SLC35A1: variants seen among roughly 807,000 people sequenced by gnomAD.
The protein encoded by SLC35A1 is CMP-sialic acid transporter.
A neutral mutation model predicts 40.3 loss-of-function variants in SLC35A1; 21 were observed. The ratio of observed to expected loss-of-function variants is 0.52; its 90% CI spans 0.37 to 0.75. The LOEUF (loss-of-function observed/expected upper bound fraction) is 0.75, where lower values mean the gene tolerates loss of function less well. Ranked by LOEUF, SLC35A1 falls within the 30% of genes least tolerant of loss-of-function variation. The pLI, the probability that SLC35A1 is intolerant of heterozygous loss-of-function variation, is 0.00. For missense variants in SLC35A1, 297 were observed against 382.1 expected (o/e 0.78, Z 1.86); for synonymous variants, 146 against 147.3 (o/e 0.99, Z 0.06).
intron 6 of SLC35A1, among the ~76,000 whole-genome samples, 175 bp from the exon 7 acceptor site, chr6:87,508,866 T>C (rs1359911437): frequency 7.3e-6 from 1 of 136,176 alleles, no homozygotes; most frequent in Non-Finnish European, 1.6e-5. Flanking sequence ...GGAAAAACAG[T>C]GTTATATAGG....
At chr6:87,476,176 T>G (rs142519721) in intron 1 of SLC35A1, among the ~76,000 whole-genome samples, 135 of 152,328 alleles carry the variant, frequency 8.9e-4, no homozygotes, top group Middle Eastern at 3.4e-3. Flanking sequence ...ATTAAGTGTT[T>G]ATATGTTTCC....
At chr6:87,481,901 C>T (rs986470528) in intron 2 of SLC35A1, among the ~76,000 whole-genome samples, 16 of 152,132 alleles carry the variant, frequency 1.1e-4, no homozygotes, top group Admixed American at 4.6e-4. Flanking sequence ...CTTGCTTAAA[C>T]GCTCAAAACA....
chr6:87,500,819 C>T, intron 3 of SLC35A1, 152 bp downstream of exon 3: 4 of 789,282 alleles, frequency 5.1e-6, no homozygotes, highest in Non-Finnish European at 8.0e-6. Flanking sequence ...GTGATCTCAG[C>T]TCACTGCAAT....
chr6:87,490,342 T>TC (rs1322382379), intron 2 of SLC35A1, among the ~76,000 whole-genome samples: 2 of 151,598 alleles, frequency 1.3e-5, no homozygotes, highest in African/African-American at 4.8e-5. Context: ...ATCATTTTTT[T>TC]TTTTTTTTTG....
intron 1 of SLC35A1, among the ~76,000 whole-genome samples, chr6:87,476,487 G>A (rs1769073724): frequency 6.6e-6 from 1 of 152,204 alleles, no homozygotes; most frequent in South Asian, 2.1e-4. Flanking sequence ...CAGTTTGGGA[G>A]GCCGAGGTGG....
chr6:87,502,321 T>TA (rs1769944006), intron 4 of SLC35A1, among the ~76,000 whole-genome samples: 1 of 152,208 alleles, frequency 6.6e-6, no homozygotes, highest in South Asian at 2.1e-4. Context: ...GTTTGGTAAT[T>TA]ACCCCTTTGT....
rs1770179703 is a variant in SLC35A1, at chr6:87,509,185, A to C, written c.886+10A>C. ...TTTGGATTACAGATAAGTATGTCTT[A>C]GTTTGTGTTGAGTTTTTAACATGGA... On this transcript the variant is annotated intron_variant, in intron 7 of 7. Coordinates refer to ENST00000369552, the MANE Select transcript of SLC35A1 (RefSeq NM_006416.5). 2.5e-6 allele frequency: 4 copies of C among 1,613,988 alleles called. No homozygotes were observed. Among genetic ancestry groups the C allele is most frequent in the Non-Finnish European group, 3.4e-6 (4 of 1,179,904 alleles).
intron 2 of SLC35A1, among the ~76,000 whole-genome samples, chr6:87,479,356 A>G (rs1686347193): frequency 6.6e-6 from 1 of 152,194 alleles, no homozygotes; most frequent in South Asian, 2.1e-4. Flanking sequence ...ACTCTGCACC[A>G]ACCCACAGAT....
At chr6:87,494,586 C>G (rs1266325618) in intron 2 of SLC35A1, among the ~76,000 whole-genome samples, 2 of 151,862 alleles carry the variant, frequency 1.3e-5, no homozygotes, top group Admixed American at 1.3e-4. Flanking sequence ...CCACGCCTGG[C>G]TATTTTTTTT....
rs917524112 is a variant in SLC35A1, at chr6:87,496,790, A to ACAAAC, written c.195-3718_195-3717insCAAAC. Among the ~76,000 whole-genome samples the ACAAAC allele has an allele frequency of 9.7e-5, 14 of 144,456 alleles. 1 individual carries two copies. The East Asian group carries it at 1.0e-3, about 10-fold the overall frequency. 94.8% of individuals were successfully genotyped at this position (144,456 alleles called of 152,430 possible). ...GCTAGACTCCATCTCAAAAAAAAAA[A>ACAAAC]AAAAGAAAAACCCACCAAAACAGAA... On this transcript the variant is annotated intron_variant, in intron 2 of 7. Transcript: ENST00000369552.
chr6:87,473,464 G>A (rs1223003421), intron 1 of SLC35A1, among the ~76,000 whole-genome samples: 1 of 152,210 alleles, frequency 6.6e-6, no homozygotes, highest in Non-Finnish European at 1.5e-5. Flanking sequence ...GGCAGGCTCC[G>A]GGCGCAGATC....
intron 2 of SLC35A1, among the ~76,000 whole-genome samples, chr6:87,492,523 C>G (rs1769583841): frequency 6.7e-6 from 1 of 148,166 alleles, no homozygotes; most frequent in East Asian, 2.0e-4. Context: ...TCTATTTGTT[C>G]CATTACTGGT....
chr6:87,499,146 A>G, intron 2 of SLC35A1: 1 of 981,586 alleles, frequency 1.0e-6, no homozygotes, highest in African/African-American at 1.7e-5. Context: ...AGAATGTTCT[A>G]CAGCAAATAA....
chr6:87,479,708 T>G (rs1436826102), intron 2 of SLC35A1, among the ~76,000 whole-genome samples: 2 of 152,260 alleles, frequency 1.3e-5, no homozygotes, highest in African/African-American at 2.4e-5. Flanking sequence ...TGCTCAGCTA[T>G]TCCTTTAACA....
At chr6:87,485,717 C>A (rs1461999244) in intron 2 of SLC35A1, among the ~76,000 whole-genome samples, 1 of 151,920 alleles carries the variant, frequency 6.6e-6, no homozygotes, top group Admixed American at 6.6e-5. Context: ...CATGATTGTA[C>A]CACTGTACTC....
rs1429018743 is a variant in SLC35A1, at chr6:87,509,022, ATT to A, written c.752-17_752-16del. ...TCATTTATTTGAGTGATAAGATTTT[ATT>A]TCTCTCTGTATACAAGTTCTTGCAA... On this transcript the variant is annotated splice_polypyrimidine_tract_variant and intron_variant, in intron 6 of 7. Transcript: ENST00000369552. The A allele has an allele frequency of 1.2e-6, 2 of 1,613,178 alleles. No homozygotes were observed. Among genetic ancestry groups the A allele is most frequent in the South Asian group, 2.2e-5 (2 of 91,058 alleles).
chr6:87,487,964 T>C (rs1314109291), intron 2 of SLC35A1: 2 of 152,002 alleles, frequency 1.3e-5, no homozygotes, highest in East Asian at 3.9e-4. Flanking sequence ...TCAACTATAG[T>C]AGGGGAAGGA....
chr6:87,492,895 C>T (rs899538602), intron 2 of SLC35A1, among the ~76,000 whole-genome samples: 3 of 152,148 alleles, frequency 2.0e-5, no homozygotes, highest in African/African-American at 4.8e-5. Flanking sequence ...GGTTTCTCCA[C>T]ATAAAGTTAC....
chr6:87,473,075 C>A (rs1334033108), intron 1 of SLC35A1, 56 bp downstream of exon 1: 5 of 453,336 alleles, frequency 1.1e-5, no homozygotes, highest in African/African-American at 2.0e-5. Context: ...GGCGGGCGAG[C>A]ATCTGCGCTG....
Sources: gnomAD v4.1 joint callset for allele counts (sites outside exome capture counted in the v4.1 genomes callset) on GRCh38, gnomAD v4.1.1 for gene constraint, MANE v1.5 for transcripts, NCBI Gene and HGNC (gene_info 2026-07-23, HGNC 2026-07-21) for gene names.